The following IQCJ variants were observed in gnomAD, a reference collection of about 807,000 sequenced individuals.
IQCJ encodes the protein IQ domain-containing protein J.
IQCJ carries 9 observed loss-of-function variants against 11.0 expected under a neutral mutation model. The ratio of observed to expected loss-of-function variants is 0.82; its 90% CI spans 0.49 to 1.43. IQCJ has a LOEUF of 1.43. Ranked by LOEUF, IQCJ falls within the 40% of genes most tolerant of loss-of-function variation. The pLI, the probability that IQCJ is intolerant of heterozygous loss-of-function variation, is 0.00. For missense variants in IQCJ, 146 were observed against 133.2 expected (o/e 1.10, Z -0.47); for synonymous variants, 55 against 51.3 (o/e 1.07, Z -0.31).
chr3:159,136,566 G>A (rs1720301688), intron 1 of IQCJ, among the ~76,000 whole-genome samples: 1 of 152,164 alleles, frequency 6.6e-6, no homozygotes. Flanking sequence ...TCAGAGTTCT[G>A]GAGGCTGGAA....
chr3:159,247,175 C>T lies in IQCJ; in HGVS notation c.74+1268C>T, dbSNP rs151088927. On this transcript the variant is annotated intron_variant, in intron 2 of 3. Transcript: ENST00000397832. Reference sequence around the variant, plus strand: ...GCAGTGGCACTATCTCAGCTCACTGCGACCTCCGCCTCCCGGGTTCAAGTG... The same window carrying T: ...GCAGTGGCACTATCTCAGCTCACTGTGACCTCCGCCTCCCGGGTTCAAGTG... Among the ~76,000 whole-genome samples, 997 of 152,250 alleles carry T rather than the reference C, an allele frequency of 6.5e-3. 7 individuals carry two copies. The highest frequency in any genetic ancestry group is 0.023 in the African/African-American group (948 of 41,548).
intron 2 of IQCJ, among the ~76,000 whole-genome samples, chr3:159,251,780 G>T (rs1324752880): frequency 3.3e-5 from 5 of 152,052 alleles, no homozygotes; most frequent in Non-Finnish European, 5.9e-5. Context: ...GCAGTGAGAT[G>T]TGAGTTTTAA....
At chr3:159,247,189 C>T (rs959786617) in intron 2 of IQCJ, among the ~76,000 whole-genome samples, 11 of 152,116 alleles carry the variant, frequency 7.2e-5, no homozygotes, top group African/African-American at 2.2e-4. Context: ...CTCCGCCTCC[C>T]GGGTTCAAGT....
chr3:159,132,350 C>T (rs1720039958), intron 1 of IQCJ, among the ~76,000 whole-genome samples: 1 of 152,140 alleles, frequency 6.6e-6, no homozygotes, highest in African/African-American at 2.4e-5. Flanking sequence ...CCACGATATC[C>T]AGGCATGGAT....
intron 1 of IQCJ, among the ~76,000 whole-genome samples, chr3:159,187,975 G>A (rs1000747312): frequency 2.0e-5 from 3 of 152,180 alleles, no homozygotes; most frequent in Non-Finnish European, 4.4e-5. Context: ...CACCGGCGCT[G>A]GGCATGGGTC....
intron 1 of IQCJ, among the ~76,000 whole-genome samples, chr3:159,166,357 A>T (rs1722166783): frequency 1.3e-5 from 2 of 152,226 alleles, no homozygotes. Context: ...GGAGCATAAC[A>T]CATAACAGTT....
intron 1 of IQCJ, among the ~76,000 whole-genome samples, chr3:159,143,726 A>C (rs532086855): frequency 6.6e-6 from 1 of 152,092 alleles, no homozygotes; most frequent in Non-Finnish European, 1.5e-5. Context: ...TAGCCAGTCA[A>C]CTCTTTCTGT....
In IQCJ at chr3:159,105,135, A is replaced by T. The variant is rs114941074; in HGVS notation, c.9+35694A>T. On this transcript the variant is annotated intron_variant, in intron 1 of 3. Transcript: ENST00000397832. ...ACAACCAGTAAGTAATAGCATTTCC[A>T]TGTTACTGAGAAGGAAACTGAAGCT... 3.6e-3 allele frequency among the ~76,000 whole-genome samples: 547 copies of T among 152,362 alleles called. 4 individuals carry two copies. Among genetic ancestry groups the T allele is most frequent in the African/African-American group, 0.013 (532 of 41,594 alleles).
At chr3:159,076,229 T>A (rs1715903412) in intron 1 of IQCJ, among the ~76,000 whole-genome samples, 1 of 135,456 alleles carries the variant, frequency 7.4e-6, no homozygotes, top group South Asian at 2.8e-4. Flanking sequence ...AAAATGGGCT[T>A]TGTTGATACT....
chr3:159,115,483 G>A (rs1263810721), intron 1 of IQCJ, among the ~76,000 whole-genome samples: 2 of 152,156 alleles, frequency 1.3e-5, no homozygotes, highest in Admixed American at 6.5e-5. Flanking sequence ...AGTGTAAGTT[G>A]TAGTGAACAC....
At chr3:159,201,342 T>C (rs1410976696) in intron 1 of IQCJ, among the ~76,000 whole-genome samples, 1 of 152,208 alleles carries the variant, frequency 6.6e-6, no homozygotes, top group Non-Finnish European at 1.5e-5. Context: ...GGGTTTTATA[T>C]GGTAGTGTGA....
intron 1 of IQCJ, among the ~76,000 whole-genome samples, chr3:159,087,247 C>T (rs1716850856): frequency 2.0e-5 from 3 of 151,926 alleles, no homozygotes; most frequent in African/African-American, 2.4e-5. Flanking sequence ...TTGAACCAGC[C>T]TTGCATCCCA....
chr3:159,082,166 G>A (rs1023773521), intron 1 of IQCJ, among the ~76,000 whole-genome samples: 5 of 152,092 alleles, frequency 3.3e-5, no homozygotes, highest in African/African-American at 7.2e-5. Flanking sequence ...ACCTGGTAGA[G>A]AAGAAGAATA....
At chr3:159,222,126 A>G (rs1048413561) in intron 1 of IQCJ, among the ~76,000 whole-genome samples, 3 of 152,148 alleles carry the variant, frequency 2.0e-5, no homozygotes, top group African/African-American at 7.2e-5. Flanking sequence ...CTCCTATATG[A>G]TCCTGCAATC....
chr3:159,140,056 C>A (rs1422626751), intron 1 of IQCJ, among the ~76,000 whole-genome samples: 1 of 152,042 alleles, frequency 6.6e-6, no homozygotes, highest in African/African-American at 2.4e-5. Flanking sequence ...GTAAAGAGTT[C>A]CCATGTTCCC....
At chr3:159,238,253 C>T (rs1726709768) in intron 1 of IQCJ, among the ~76,000 whole-genome samples, 1 of 152,170 alleles carries the variant, frequency 6.6e-6, no homozygotes, top group South Asian at 2.1e-4. Context: ...CTTTCTTCTG[C>T]TACCCTCTGG....
At position 159,069,447 on chromosome 3, in the gene IQCJ, G is replaced by C. The variant is rs1715383923; in HGVS notation, c.9+6G>C. 1 of 1,608,514 alleles carries C rather than the reference G, an allele frequency of 6.2e-7. No homozygotes were observed. Among genetic ancestry groups the C allele is most frequent in the African/African-American group, 1.3e-5 (1 of 74,580 alleles). ...GAAACTTCAAAATGCGTCTGGTAATGTATTTGCTTTTCTAAACGTGCCACT... is the reference window on the plus strand; with the variant it reads ...GAAACTTCAAAATGCGTCTGGTAATCTATTTGCTTTTCTAAACGTGCCACT... On this transcript the variant is annotated splice_donor_region_variant and intron_variant, in intron 1 of 3. Transcript: ENST00000397832.
downstream of IQCJ, chr3:159,265,972 T>C (rs1463953917): frequency 3.3e-5 from 5 of 152,266 alleles, 1 homozygote; most frequent in African/African-American, 1.2e-4. Flanking sequence ...GTTAATGTGG[T>C]TCTTTGAACA....
In IQCJ at chr3:159,141,469, A is replaced by C. The variant is rs150706226; in HGVS notation, c.9+72028A>C. Among the ~76,000 whole-genome samples, 29 of 152,336 alleles carry C rather than the reference A, an allele frequency of 1.9e-4. No homozygotes were observed. The East Asian group carries it at 3.7e-3, about 19-fold the overall frequency. On this transcript the variant is annotated intron_variant, in intron 1 of 3. Transcript: ENST00000397832. ...GGTGAGACTTTATTAGAATAATAAC[A>C]ATCTCTTTAGAATTTTGACAATCAA...
Sources: allele counts gnomAD v4.1 joint callset (sites outside exome capture counted in the v4.1 genomes callset), GRCh38; gene constraint gnomAD v4.1.1; transcripts MANE v1.5; gene names NCBI Gene and HGNC (gene_info 2026-07-23, HGNC 2026-07-21).